UNC13C: variants seen among roughly 807,000 people sequenced by gnomAD.
UNC13C encodes unc-13 homolog C.
UNC13C carries 174 observed loss-of-function variants against 245.4 expected under a neutral mutation model. The ratio of observed to expected loss-of-function variants is 0.71; its 90% CI spans 0.63 to 0.80. The LOEUF is 0.80. Among genes scored for constraint, UNC13C ranks in the 30% least tolerant of loss-of-function variants. The probability of loss-of-function intolerance (pLI) is 0.00; values close to 1 mark genes in which losing one functional copy is unlikely to be tolerated. For missense variants in UNC13C, 2,829 were observed against 2,602.9 expected (o/e 1.09, Z -1.89); for synonymous variants, 992 against 895.1 (o/e 1.11, Z -1.93).
At chr15:53,924,105 G>T in the UNC13C span, among the ~76,000 whole-genome samples, 534 of 152,242 alleles carry the variant, frequency 3.5e-3, 2 homozygotes, top group Non-Finnish European at 6.7e-3. Flanking sequence ...TACTTGGGAG[G>T]CTGACACAGG....
At chr15:54,032,662 C>T (rs1896408328) in intron 2 of UNC13C, among the ~76,000 whole-genome samples, 1 of 152,084 alleles carries the variant, frequency 6.6e-6, no homozygotes, top group Non-Finnish European at 1.5e-5. Context: ...CACTTAAAAG[C>T]TGAAATAATA....
chr15:54,599,141 A>C (rs1388676116), intron 30 of UNC13C, among the ~76,000 whole-genome samples: 8 of 152,000 alleles, frequency 5.3e-5, no homozygotes, highest in African/African-American at 1.9e-4. Flanking sequence ...AAATATCATC[A>C]TTCCCATCTG....
chr15:54,090,421 C>G (rs1001528219), intron 2 of UNC13C, among the ~76,000 whole-genome samples: 53 of 152,120 alleles, frequency 3.5e-4, no homozygotes, highest in African/African-American at 1.2e-3. Context: ...AATAATCATG[C>G]TACTAAATAC....
At chr15:54,493,161 T>G (rs1303247604) in intron 19 of UNC13C, among the ~76,000 whole-genome samples, 1 of 152,170 alleles carries the variant, frequency 6.6e-6, no homozygotes, top group East Asian at 1.9e-4. Flanking sequence ...CAAGTAAATG[T>G]TTTCTCTTAA....
At chr15:54,319,354 CTAAT>C (rs1311849464) in intron 13 of UNC13C, among the ~76,000 whole-genome samples, 2 of 148,872 alleles carry the variant, frequency 1.3e-5, no homozygotes, top group African/African-American at 2.5e-5. Flanking sequence ...CTATTTTTAA[CTAAT>C]ATTTTTTGTT....
intron 22 of UNC13C, among the ~76,000 whole-genome samples, chr15:54,504,411 C>T (rs1894374678): frequency 6.6e-6 from 1 of 152,112 alleles, no homozygotes; most frequent in Non-Finnish European, 1.5e-5. Context: ...TAAATGGGTA[C>T]TATTATTTTC....
chr15:54,313,508 C>G (rs545891383), intron 13 of UNC13C, among the ~76,000 whole-genome samples: 1 of 151,884 alleles, frequency 6.6e-6, no homozygotes, highest in East Asian at 1.9e-4. Flanking sequence ...TTTGTAACCT[C>G]AAGTACTAAG....
intron 25 of UNC13C, among the ~76,000 whole-genome samples, chr15:54,528,175 A>T (rs931205367): frequency 6.6e-6 from 1 of 152,208 alleles, no homozygotes; most frequent in African/African-American, 2.4e-5. Context: ...GAATCCTGAC[A>T]TGCTCACAGG....
At chr15:54,045,706 G>C (rs752683843) in intron 2 of UNC13C, among the ~76,000 whole-genome samples, 2 of 152,178 alleles carry the variant, frequency 1.3e-5, no homozygotes, top group South Asian at 4.1e-4. Flanking sequence ...TGAACAAAGA[G>C]TAAGTTATTT....
chr15:54,010,899 A>G (rs1276905621), intron 1 of UNC13C, among the ~76,000 whole-genome samples: 1 of 152,120 alleles, frequency 6.6e-6, no homozygotes, highest in Non-Finnish European at 1.5e-5. Context: ...GAGATTAGTA[A>G]TTCAGGAAAA....
intron 13 of UNC13C, among the ~76,000 whole-genome samples, chr15:54,304,875 G>T (rs1324995897): frequency 6.6e-6 from 1 of 151,800 alleles, no homozygotes; most frequent in Non-Finnish European, 1.5e-5. Flanking sequence ...AAGATTTTAT[G>T]AATACCAATA....
At chr15:54,053,434 G>A (rs527747913) in intron 2 of UNC13C, among the ~76,000 whole-genome samples, 21 of 152,160 alleles carry the variant, frequency 1.4e-4, no homozygotes, top group Admixed American at 3.3e-4. Context: ...CCTGAGTGTC[G>A]CATTATTTAT....
Position 54,449,719 on chromosome 15 carries a change from A to C in UNC13C, c.4933+34652A>C, listed in dbSNP as rs145753369. Among the ~76,000 whole-genome samples the C allele has an allele frequency of 3.9e-5, 6 of 152,290 alleles. No homozygotes were observed. The East Asian group carries it at 9.7e-4, about 25-fold the overall frequency. The stretch of plus-strand genomic sequence containing the variant: ...TTTTAACTTCTTTGCAATGGGTTCA[A>C]ACTTCCTCCTTTAGCTTGGAGAAGT... On this transcript the variant is annotated intron_variant, in intron 19 of 32. Coordinates refer to ENST00000260323, the MANE Select transcript of UNC13C (RefSeq NM_001080534.3).
At position 54,490,288 on chromosome 15, in the gene UNC13C, TC is replaced by T. The variant is rs1362809090; in HGVS notation, c.4934-4319del. On this transcript the variant is annotated intron_variant, in intron 19 of 32. Coordinates refer to ENST00000260323, the MANE Select transcript of UNC13C (RefSeq NM_001080534.3). ...TTAATTCTTTAGAAAGATTTAGGTATCTTTCCTATCTCCTTTCCCATATCCA... is the reference window on the plus strand; with the variant it reads ...TTAATTCTTTAGAAAGATTTAGGTATTTTCCTATCTCCTTTCCCATATCCA... 2.0e-5 allele frequency among the ~76,000 whole-genome samples: 3 copies of T among 152,318 alleles called. No homozygotes were observed. The East Asian group carries it at 5.8e-4, about 29-fold the overall frequency.
At chr15:54,062,242 T>A (rs1161260545) in intron 2 of UNC13C, among the ~76,000 whole-genome samples, 1 of 151,526 alleles carries the variant, frequency 6.6e-6, no homozygotes. Flanking sequence ...TCGCTTGAAC[T>A]TGGGAGGTGG....
At chr15:54,540,471 C>A (rs1896194806) in intron 26 of UNC13C, among the ~76,000 whole-genome samples, 1 of 152,028 alleles carries the variant, frequency 6.6e-6, no homozygotes, top group Non-Finnish European at 1.5e-5. Flanking sequence ...TGCTTTTCAG[C>A]TTACATTATC....
chr15:53,928,656 GT>G, the UNC13C span, among the ~76,000 whole-genome samples: 1 of 152,286 alleles, frequency 6.6e-6, no homozygotes, highest in Admixed American at 6.5e-5. Context: ...TTTGAGCTTT[GT>G]TACAAGCAAG....
At chr15:54,404,775 G>T (rs888734933) in intron 18 of UNC13C, among the ~76,000 whole-genome samples, 1 of 152,084 alleles carries the variant, frequency 6.6e-6, no homozygotes, top group Non-Finnish European at 1.5e-5. Flanking sequence ...TTTCAGTTTT[G>T]CTTCTATCAC....
chr15:54,038,120 A>ATTTTT (rs1246982047), intron 2 of UNC13C, among the ~76,000 whole-genome samples: 170 of 45,186 alleles, frequency 3.8e-3, no homozygotes, highest in Non-Finnish European at 4.9e-3. Context: ...ATATATATAT[A>ATTTTT]TATATTTTTT....
Sources: gnomAD v4.1 joint callset for allele counts (sites outside exome capture counted in the v4.1 genomes callset) on GRCh38, gnomAD v4.1.1 for gene constraint, MANE v1.5 for transcripts, NCBI Gene and HGNC (gene_info 2026-07-23, HGNC 2026-07-21) for gene names.